Variants in SORT1 observed in about 807,000 individuals in gnomAD.
The protein encoded by SORT1 is sortilin.
A neutral mutation model predicts 101.7 loss-of-function variants in SORT1; 39 were observed. That is an observed-to-expected ratio of 0.38 (90% confidence interval 0.30 to 0.50). The LOEUF (loss-of-function observed/expected upper bound fraction) is 0.50. SORT1 is among the 20% of genes least tolerant of loss of function. The pLI is 0.90. For synonymous variants in SORT1, 396 were observed against 393.7 expected, an observed-to-expected ratio of 1.01 and a Z score of -0.07; for missense variants, 878 against 1,040.4, an observed-to-expected ratio of 0.84 and a Z score of 2.15.
At chr1:109,361,655 T>C (rs1436973257) in intron 3 of SORT1, among the ~76,000 whole-genome samples, 1 of 152,208 alleles carries the variant, frequency 6.6e-6, no homozygotes, top group South Asian at 2.1e-4. Context: ...GATGGTAAAC[T>C]CTTAAAAATA....
chr1:109,396,124 G>A (rs1653165394), intron 1 of SORT1, among the ~76,000 whole-genome samples: 1 of 152,034 alleles, frequency 6.6e-6, no homozygotes, highest in Admixed American at 6.6e-5. Context: ...GCTAGGCATA[G>A]TGGTGCACAC....
At chr1:109,368,064 C>T (rs190966858) in intron 2 of SORT1, among the ~76,000 whole-genome samples, 8 of 151,934 alleles carry the variant, frequency 5.3e-5, no homozygotes, top group African/African-American at 1.5e-4. Context: ...GAGGCTGAGG[C>T]GGACGGATCA....
chr1:109,321,189 G>A (rs373949514), intron 15 of SORT1, among the ~76,000 whole-genome samples: 4 of 152,196 alleles, frequency 2.6e-5, no homozygotes, highest in African/African-American at 7.2e-5. Context: ...GGGGCTTAAT[G>A]ATGGAAGCAA....
At position 109,355,432 on chromosome 1, in the gene SORT1, G is replaced by A. The variant is rs181407789; in HGVS notation, c.478C>T (p.Leu160Phe). 2 of 1,602,588 alleles carry A rather than the reference G, an allele frequency of 1.2e-6. No individual in the cohort carries two copies. The highest frequency in any genetic ancestry group is 1.1e-5 in the South Asian group (1 of 90,838). The change falls in exon 4 of 20, where the codon CTC becomes TTC. Residue 160 changes from leucine to phenylalanine, a missense_variant. Leu to Phe is a conservative substitution (Grantham distance 22). This residue lies in a region of SORT1 where 684 missense variants were observed against 894.5 expected (regional missense o/e 0.76). Coordinates refer to ENST00000256637, the MANE Select transcript of SORT1 (RefSeq NM_002959.7). ...GTCCGAATAAAGGTGTTATTGATGA[G>A]ATCTGTAATATCCTTAAAGTTCTTC... is the stretch of plus-strand genomic sequence containing the variant. ...YGKNFKDITD[L>F]INNTFIRTEF...
At position 109,393,404 on chromosome 1, in the gene SORT1, A is replaced by G. The variant is rs1053982867; in HGVS notation, c.306+4183T>C. 4.1e-5 allele frequency: 28 copies of G among 678,458 alleles called. No individual in the cohort carries two copies. In the African/African-American group the frequency reaches 5.3e-4, roughly 13 times the overall value. The allele number at this position is 678,458 out of a possible 1,614,324, so 42.0% of individuals were successfully genotyped here. ...CAAATGGTCTGTACACAGGAATGAG[A>G]AGTAAGGAAATTATGTCAGCCACCA... On this transcript the variant is annotated intron_variant, in intron 1 of 19. Transcript: ENST00000256637.
intron 3 of SORT1, among the ~76,000 whole-genome samples, chr1:109,362,522 C>T (rs1000944416): frequency 1.3e-5 from 2 of 152,044 alleles, no homozygotes; most frequent in African/African-American, 4.8e-5. Context: ...TCTTTTTCCC[C>T]CACTGTCTGA....
intron 1 of SORT1, among the ~76,000 whole-genome samples, chr1:109,369,812 A>C (rs1410654882): frequency 6.6e-6 from 1 of 152,188 alleles, no homozygotes; most frequent in Non-Finnish European, 1.5e-5. Context: ...AAAGTAAGCC[A>C]AGCAGATGAG....
intron 1 of SORT1, among the ~76,000 whole-genome samples, chr1:109,376,854 G>A (rs1211047161): frequency 1.3e-5 from 2 of 152,152 alleles, no homozygotes; most frequent in Non-Finnish European, 2.9e-5. Flanking sequence ...TAACAAACCT[G>A]CACATGTACC....
intron 7 of SORT1, 88 bp downstream of exon 7, chr1:109,347,395 C>A (rs1430651250): frequency 2.4e-6 from 2 of 830,294 alleles, no homozygotes; most frequent in Admixed American, 2.1e-5. Context: ...AATGGAGGGA[C>A]CTTTTATGTT....
chr1:109,354,449 T>C lies in SORT1; in HGVS notation c.626A>G (p.Gln209Arg), dbSNP rs1650170679. 5.6e-6 allele frequency: 9 copies of C among 1,613,328 alleles called. No homozygotes were observed. Among genetic ancestry groups the C allele is most frequent in the Non-Finnish European group, 7.6e-6 (9 of 1,179,408 alleles). Residue 209 changes from glutamine to arginine, a missense_variant, in exon 5 of 20, where the codon CAA (glutamine) becomes CGA (arginine). Around this residue, in one of 2 missense-constraint regions of SORT1, gnomAD observed 684 missense variants for 894.5 expected, o/e 0.76. Coordinates refer to ENST00000256637, the MANE Select transcript of SORT1 (RefSeq NM_002959.7). ...RSSDFAKNFVQTDLPFHPLTQ... is the reference protein window; with the variant it reads ...RSSDFAKNFVRTDLPFHPLTQ... ...GAGAGGATGAAAAGGGAGATCTGTT[T>C]GCACAAAATTCTTCGCAAAATCTGA...
intron 3 of SORT1, 64 bp from the exon 4 acceptor site, chr1:109,355,533 C>A: frequency 1.3e-6 from 1 of 769,564 alleles, no homozygotes. Context: ...TGAGTTCCTA[C>A]TCAGCTTTCA....
chr1:109,330,504 T>C (rs566814452), intron 11 of SORT1, among the ~76,000 whole-genome samples: 40 of 152,314 alleles, frequency 2.6e-4, no homozygotes, highest in African/African-American at 9.6e-4. Context: ...AGAAAGTTTA[T>C]GGTGATAAAT....
At chr1:109,328,954 C>G (rs965104658) in intron 11 of SORT1, among the ~76,000 whole-genome samples, 3 of 152,182 alleles carry the variant, frequency 2.0e-5, no homozygotes, top group Non-Finnish European at 4.4e-5. Flanking sequence ...TTACCGGGCT[C>G]CAGGTGTTTC....
At chr1:109,360,493 C>T (rs1412339859) in intron 3 of SORT1, among the ~76,000 whole-genome samples, 1 of 148,822 alleles carries the variant, frequency 6.7e-6, no homozygotes, top group African/African-American at 2.5e-5. Flanking sequence ...CCACCACACT[C>T]AATTTTTTTT....
intron 1 of SORT1, among the ~76,000 whole-genome samples, chr1:109,395,537 A>G (rs1653141142): frequency 6.6e-6 from 1 of 152,064 alleles, no homozygotes; most frequent in South Asian, 2.1e-4. Flanking sequence ...GCTATTTTAA[A>G]TAAGGTCACT....
chr1:109,334,706 G>C (rs2101568606), intron 11 of SORT1, among the ~76,000 whole-genome samples: 1 of 152,230 alleles, frequency 6.6e-6, no homozygotes, highest in Non-Finnish European at 1.5e-5. Context: ...ATTGTGAGGT[G>C]ATGCATATGT....
chr1:109,360,795 G>A (rs548787171), intron 3 of SORT1, among the ~76,000 whole-genome samples: 2 of 152,308 alleles, frequency 1.3e-5, no homozygotes, highest in African/African-American at 4.8e-5. Flanking sequence ...GATCTGGGTG[G>A]CCCTTCTCCC....
chr1:109,373,450 C>G (rs78755434), intron 1 of SORT1, among the ~76,000 whole-genome samples: 1 of 152,186 alleles, frequency 6.6e-6, no homozygotes, highest in African/African-American at 2.4e-5. Context: ...AGGAAACTAC[C>G]TGAGGCCAGG....
chr1:109,320,280 C>T (rs1312161344), intron 15 of SORT1, among the ~76,000 whole-genome samples: 1 of 152,144 alleles, frequency 6.6e-6, no homozygotes, highest in East Asian at 1.9e-4. Context: ...CCTAAATATG[C>T]TGACAAAACC....
Sources: allele counts gnomAD v4.1 joint callset (sites outside exome capture counted in the v4.1 genomes callset), GRCh38; gene constraint gnomAD v4.1.1; regional missense constraint gnomAD v4.1.1; transcripts MANE v1.5; gene names NCBI Gene and HGNC (gene_info 2026-07-23, HGNC 2026-07-21).